The following SPIDR variants were observed in gnomAD, a reference collection of about 807,000 sequenced individuals.
SPIDR encodes the protein scaffold protein involved in DNA repair.
A neutral mutation model predicts 104.6 loss-of-function variants in SPIDR; 93 were observed. The ratio of observed to expected loss-of-function variants is 0.89; its 90% CI spans 0.75 to 1.06. The LOEUF is 1.06. Ranked by LOEUF, SPIDR falls within the 50% of genes least tolerant of loss-of-function variation. The pLI is 0.00. For missense variants in SPIDR, 1,154 were observed against 1,111.2 expected, an observed-to-expected ratio of 1.04 and a Z score of -0.55; for synonymous variants, 431 against 416.9, an observed-to-expected ratio of 1.03 and a Z score of -0.41.
intron 5 of SPIDR, among the ~76,000 whole-genome samples, chr8:47,322,236 A>C (rs1554596491): frequency 6.6e-6 from 1 of 152,248 alleles, no homozygotes; most frequent in Non-Finnish European, 1.5e-5. Context: ...ATGAGCTCCA[A>C]CAAATTTTCA....
intron 7 of SPIDR, among the ~76,000 whole-genome samples, chr8:47,423,747 G>A (rs1301312019): frequency 3.3e-5 from 5 of 152,220 alleles, no homozygotes; most frequent in Non-Finnish European, 5.9e-5. Flanking sequence ...CCTTGGCTGG[G>A]TTTCACTTCC....
chr8:47,411,679 T>C (rs1249674110), intron 7 of SPIDR, among the ~76,000 whole-genome samples: 3 of 152,222 alleles, frequency 2.0e-5, no homozygotes, highest in Non-Finnish European at 2.9e-5. Flanking sequence ...TTTGTCAATT[T>C]TGGCTTTTGT....
intron 5 of SPIDR, among the ~76,000 whole-genome samples, chr8:47,342,328 CTTTTTTTTTTTTTTT>C (rs11357859): frequency 3.2e-4 from 22 of 68,958 alleles, no homozygotes; most frequent in African/African-American, 1.0e-3. Context: ...TTTCAAAGGT[CTTTTTTTTTTTTTTT>C]TTTTTTTTTT....
intron 8 of SPIDR, among the ~76,000 whole-genome samples, chr8:47,549,609 A>G (rs920030478): frequency 2.0e-5 from 3 of 151,942 alleles, no homozygotes; most frequent in African/African-American, 7.3e-5. Context: ...CCACTTTTTG[A>G]TGGGGTTGTT....
chr8:47,499,597 T>A (rs148003510), intron 8 of SPIDR, among the ~76,000 whole-genome samples: 5 of 152,088 alleles, frequency 3.3e-5, no homozygotes, highest in African/African-American at 1.2e-4. Flanking sequence ...TTTACTAGAC[T>A]CATTTAGCCA....
In SPIDR at chr8:47,440,464, T is replaced by C. The variant is rs782347872; in HGVS notation, c.1019T>C (p.Leu340Pro). 6.2e-7 allele frequency: 1 copy of C among 1,614,226 alleles called. No homozygotes were observed. The highest frequency in any genetic ancestry group is 8.5e-7 in the Non-Finnish European group (1 of 1,180,040). The change falls in exon 8 of 20, where the codon CTG becomes CCG. Residue 340 changes from leucine to proline, a missense_variant. Transcript: ENST00000297423. ...GTGGCTCCCAGGCCTGGAGCTGGCC[T>C]GAAAGTTCTCTTCACCAAGGAGACT... ...QSVAPRPGAG[L>P]KVLFTKETAG...
chr8:47,467,258 G>C (rs1325651429), intron 8 of SPIDR, among the ~76,000 whole-genome samples: 1 of 152,086 alleles, frequency 6.6e-6, no homozygotes, highest in Non-Finnish European at 1.5e-5. Flanking sequence ...GGACCAGACA[G>C]ATTCACAGCT....
chr8:47,684,436 T>C (rs2154476852), intron 11 of SPIDR, among the ~76,000 whole-genome samples: 1 of 152,344 alleles, frequency 6.6e-6, no homozygotes, highest in Admixed American at 6.5e-5. Context: ...GATTCAGCAC[T>C]GATTCACAGC....
chr8:47,660,537 C>G, intron 10 of SPIDR: 1 of 984,868 alleles, frequency 1.0e-6, no homozygotes, highest in African/African-American at 1.7e-5. Context: ...CTACCCTGTT[C>G]CCCTGGAACC....
At chr8:47,425,534 A>G (rs1554684087) in intron 7 of SPIDR, among the ~76,000 whole-genome samples, 1 of 152,224 alleles carries the variant, frequency 6.6e-6, no homozygotes, top group Non-Finnish European at 1.5e-5. Context: ...TTTCTCAGCC[A>G]GAATATCAAT....
chr8:47,471,181 A>G (rs985819905), intron 8 of SPIDR, among the ~76,000 whole-genome samples: 18 of 152,260 alleles, frequency 1.2e-4, no homozygotes. Flanking sequence ...GTTGAACTCT[A>G]TCAAAATTTG....
At chr8:47,339,143 A>G (rs781988949) in intron 5 of SPIDR, among the ~76,000 whole-genome samples, 3 of 152,228 alleles carry the variant, frequency 2.0e-5, no homozygotes, top group Non-Finnish European at 2.9e-5. Flanking sequence ...ATGATTCACC[A>G]TTCAAGAATT....
rs183915433 is a variant in SPIDR, at chr8:47,420,224, C to G, written c.877+12263C>G. Among the ~76,000 whole-genome samples the G allele has an allele frequency of 1.8e-3, 267 of 152,236 alleles. 1 individual carries two copies. The highest frequency in any genetic ancestry group is 6.0e-3 in the African/African-American group (249 of 41,550). On this transcript the variant is annotated intron_variant, in intron 7 of 19. Coordinates refer to ENST00000297423, the MANE Select transcript of SPIDR (RefSeq NM_001080394.4). The stretch of plus-strand genomic sequence containing the variant: ...AATGTTGACAGTGGGGTTTTAAAGC[C>G]TCCCATTATTATTGTGTGGGAGTCT...
intron 5 of SPIDR, among the ~76,000 whole-genome samples, chr8:47,320,934 G>T (rs1030713781): frequency 6.6e-6 from 1 of 152,130 alleles, no homozygotes; most frequent in African/African-American, 2.4e-5. Flanking sequence ...ATTAGGTATT[G>T]ATGGGACGTA....
intron 11 of SPIDR, among the ~76,000 whole-genome samples, chr8:47,674,479 A>G (rs939561086): frequency 5.3e-5 from 8 of 152,160 alleles, no homozygotes; most frequent in African/African-American, 1.9e-4. Context: ...ATCTCCAGTA[A>G]TCATTCTAAT....
intron 14 of SPIDR, 149 bp downstream of exon 14, chr8:47,702,164 C>T (rs944194104): frequency 2.3e-5 from 23 of 991,622 alleles, no homozygotes; most frequent in Non-Finnish European, 3.2e-5. Context: ...AAAGGGTAAT[C>T]TCCTTTGGAA....
At chr8:47,431,499 G>A (rs993223174) in intron 7 of SPIDR, among the ~76,000 whole-genome samples, 43 of 152,114 alleles carry the variant, frequency 2.8e-4, no homozygotes, top group Admixed American at 2.5e-3. Context: ...CTCACCTTCC[G>A]AACAAGCTAT....
At chr8:47,661,556 G>A (rs1395675183) in intron 10 of SPIDR, among the ~76,000 whole-genome samples, 1 of 152,242 alleles carries the variant, frequency 6.6e-6, no homozygotes. Context: ...ACTTTAAGAT[G>A]TCAGATCTCT....
intron 10 of SPIDR, among the ~76,000 whole-genome samples, chr8:47,616,554 A>G (rs920313384): frequency 3.3e-5 from 5 of 152,258 alleles, no homozygotes; most frequent in Non-Finnish European, 5.9e-5. Flanking sequence ...AACCAGTTCA[A>G]TTCTACTGGA....
Sources: gnomAD v4.1 joint callset for allele counts (sites outside exome capture counted in the v4.1 genomes callset) on GRCh38, gnomAD v4.1.1 for gene constraint, MANE v1.5 for transcripts, NCBI Gene and HGNC (gene_info 2026-07-23, HGNC 2026-07-21) for gene names.